Variants in LINGO2 observed in about 807,000 individuals in gnomAD.
The protein encoded by LINGO2 is leucine rich repeat and Ig domain containing 2, also known as leucine-rich repeat and immunoglobulin-like domain-containing nogo receptor-interacting protein 2.
Under a neutral mutation model 30.6 loss-of-function variants are expected in LINGO2, and 14 were observed. The observed-to-expected ratio is 0.46, with a 90% CI of 0.30 to 0.72. LINGO2 has a LOEUF of 0.72. Among genes scored for constraint, LINGO2 ranks in the 30% least tolerant of loss-of-function variants. LINGO2 has a pLI of 0.07. For missense variants in LINGO2, 729 were observed against 751.7 expected (o/e 0.97, Z 0.35); for synonymous variants, 317 against 288.5 (o/e 1.10, Z -1.00).
intron 4 of LINGO2, among the ~76,000 whole-genome samples, chr9:28,255,522 T>C (rs1822354267): frequency 1.3e-5 from 2 of 152,106 alleles, no homozygotes; most frequent in Admixed American, 6.6e-5. Flanking sequence ...TTTAAAAATA[T>C]GATGTATGTA....
chr9:28,730,366 A>G, the LINGO2 span, among the ~76,000 whole-genome samples: 1 of 152,178 alleles, frequency 6.6e-6, no homozygotes, highest in East Asian at 1.9e-4. Flanking sequence ...CTCTGGGACG[A>G]GAGTTGGGCA....
At chr9:29,007,960 G>A in the LINGO2 span, among the ~76,000 whole-genome samples, 2 of 151,920 alleles carry the variant, frequency 1.3e-5, no homozygotes, top group African/African-American at 4.8e-5. Flanking sequence ...AAGTTCTAGG[G>A]TACATGTGCA....
At chr9:28,671,513 CAAAA>C (rs11286682), upstream of LINGO2, among the ~76,000 whole-genome samples, 1,186 of 105,628 alleles carry the variant, frequency 0.011, 16 homozygotes, top group African/African-American at 0.043. Flanking sequence ...TTATCTTAAG[CAAAA>C]AAAAAAAAAA....
At chr9:28,031,864 C>T (rs947739504) in intron 4 of LINGO2, among the ~76,000 whole-genome samples, 6 of 152,108 alleles carry the variant, frequency 3.9e-5, no homozygotes, top group Admixed American at 3.9e-4. Flanking sequence ...TTGGGTAAAA[C>T]CACGCTTCAC....
chr9:29,058,294 T>C, the LINGO2 span, among the ~76,000 whole-genome samples: 2 of 152,012 alleles, frequency 1.3e-5, no homozygotes, highest in South Asian at 2.1e-4. Flanking sequence ...GAAAAAGACA[T>C]CTTAGGAAGT....
At chr9:28,959,119 C>T in the LINGO2 span, among the ~76,000 whole-genome samples, 2 of 152,072 alleles carry the variant, frequency 1.3e-5, no homozygotes, top group Non-Finnish European at 2.9e-5. Flanking sequence ...TTTGTGAAAT[C>T]TCCTCAAGTT....
the LINGO2 span, among the ~76,000 whole-genome samples, chr9:29,161,951 G>A: frequency 6.8e-6 from 1 of 146,650 alleles, no homozygotes; most frequent in African/African-American, 2.5e-5. Context: ...ACAGAGTCTT[G>A]CTCTGTTGCC....
At chr9:28,280,414 G>A (rs1212550735) in intron 4 of LINGO2, among the ~76,000 whole-genome samples, 1 of 152,118 alleles carries the variant, frequency 6.6e-6, no homozygotes, top group African/African-American at 2.4e-5. Flanking sequence ...ATTGAAGAAT[G>A]TTAGGGAGAA....
the LINGO2 span, among the ~76,000 whole-genome samples, chr9:29,121,846 G>A: frequency 5.9e-5 from 9 of 152,046 alleles, no homozygotes; most frequent in South Asian, 2.1e-4. Flanking sequence ...GGAAACATTC[G>A]GGATCTCTGC....
the LINGO2 span, among the ~76,000 whole-genome samples, chr9:28,697,426 C>G: frequency 5.3e-5 from 8 of 151,648 alleles, 1 homozygote; most frequent in Non-Finnish European, 7.4e-5. Context: ...TTTTAAAAAC[C>G]CTTTATAAAA....
chr9:28,422,408 C>T (rs1213497394), intron 2 of LINGO2, among the ~76,000 whole-genome samples: 1 of 151,972 alleles, frequency 6.6e-6, no homozygotes, highest in Non-Finnish European at 1.5e-5. Context: ...CCAACAATCA[C>T]ATGAAAAGAT....
In LINGO2 at chr9:28,394,900, C is replaced by A. The variant is rs16912826; in HGVS notation, c.-278-22032G>T. 5.3e-3 allele frequency among the ~76,000 whole-genome samples: 805 copies of A among 152,308 alleles called. 27 individuals carry two copies. The East Asian group carries it at 0.093, about 18-fold the overall frequency. On this transcript the variant is annotated intron_variant, in intron 2 of 5. Coordinates refer to ENST00000379992, the Ensembl canonical transcript of LINGO2. Reference sequence around the variant, plus strand: ...ATTTTCTTCTTTAGTAAAATGAACACAAGTGCAGAGTGTATTAATTTCATT... The same window carrying A: ...ATTTTCTTCTTTAGTAAAATGAACAAAAGTGCAGAGTGTATTAATTTCATT...
the LINGO2 span, among the ~76,000 whole-genome samples, chr9:29,050,211 A>C: frequency 6.6e-6 from 1 of 152,116 alleles, no homozygotes; most frequent in Non-Finnish European, 1.5e-5. Context: ...TTTTAAGTAG[A>C]GATGGGGTTT....
intron 1 of LINGO2, among the ~76,000 whole-genome samples, chr9:28,487,969 A>C (rs1038660164): frequency 1.3e-5 from 2 of 152,218 alleles, no homozygotes; most frequent in African/African-American, 4.8e-5. Context: ...TTAGCTATTT[A>C]GCCTATTTAA....
At chr9:28,904,425 T>G in the LINGO2 span, among the ~76,000 whole-genome samples, 1 of 152,112 alleles carries the variant, frequency 6.6e-6, no homozygotes, top group South Asian at 2.1e-4. Context: ...TGTTTTTGTT[T>G]GCAGAGGACA....
At chr9:28,544,963 T>C (rs1004844045) in intron 1 of LINGO2, among the ~76,000 whole-genome samples, 1 of 151,598 alleles carries the variant, frequency 6.6e-6, no homozygotes, top group Non-Finnish European at 1.5e-5. Flanking sequence ...AGATTACTTA[T>C]TTTGGAAGAG....
intron 5 of LINGO2, among the ~76,000 whole-genome samples, chr9:28,002,795 T>A (rs34648443): frequency 6.6e-6 from 1 of 152,092 alleles, no homozygotes; most frequent in Non-Finnish European, 1.5e-5. Context: ...TCCCCGTCAG[T>A]GGGTTTTCTC....
chr9:28,317,274 A>G (rs1824879146), intron 3 of LINGO2, among the ~76,000 whole-genome samples: 1 of 152,170 alleles, frequency 6.6e-6, no homozygotes, highest in South Asian at 2.1e-4. Context: ...TTCATGAGAG[A>G]GCTGAAATTC....
At chr9:29,128,071 A>T in the LINGO2 span, among the ~76,000 whole-genome samples, 4 of 152,116 alleles carry the variant, frequency 2.6e-5, no homozygotes, top group Non-Finnish European at 5.9e-5. Context: ...TTATCAAATT[A>T]TAAGGATGAT....
Sources: gnomAD v4.1 joint callset for allele counts (sites outside exome capture counted in the v4.1 genomes callset) on GRCh38, gnomAD v4.1.1 for gene constraint, MANE v1.5 for transcripts, NCBI Gene and HGNC (gene_info 2026-07-23, HGNC 2026-07-21) for gene names.